Variants in PIGN observed in about 807,000 individuals in gnomAD.
PIGN encodes the protein phosphatidylinositol glycan anchor biosynthesis class N.
Under a neutral mutation model 125.4 loss-of-function variants are expected in PIGN, and 117 were observed. The ratio of observed to expected loss-of-function variants is 0.93; its 90% CI spans 0.80 to 1.09. The LOEUF is 1.09. PIGN is among the 50% of genes least tolerant of loss of function. The pLI is 0.00. For synonymous variants in PIGN, 392 were observed against 377.8 expected (o/e 1.04, Z -0.44); for missense variants, 1,075 against 1,094.9 (o/e 0.98, Z 0.26).
intron 7 of PIGN, among the ~76,000 whole-genome samples, chr18:62,148,611 A>G (rs1252408152): frequency 1.3e-5 from 2 of 152,170 alleles, no homozygotes; most frequent in Non-Finnish European, 2.9e-5. Context: ...TAATGTTGTT[A>G]ATCCCACATC....
chr18:62,022,681 G>GA (rs1568102708), intron 23 of PIGN, among the ~76,000 whole-genome samples: 2 of 152,030 alleles, frequency 1.3e-5, no homozygotes, highest in Non-Finnish European at 2.9e-5. Flanking sequence ...ATAGGAAAAT[G>GA]AAAAAATAAT....
intron 23 of PIGN, among the ~76,000 whole-genome samples, chr18:62,024,367 C>G (rs2030090015): frequency 6.6e-6 from 1 of 152,138 alleles, no homozygotes; most frequent in Non-Finnish European, 1.5e-5. Flanking sequence ...TCAAGCTCCT[C>G]CCCCAGCCCC....
chr18:62,082,787 A>G (rs2033511419), intron 27 of PIGN, 41 bp from the exon 28 acceptor site: 5 of 1,054,398 alleles, frequency 4.7e-6, no homozygotes, highest in Non-Finnish European at 7.0e-6. Flanking sequence ...TAACTGAAGC[A>G]TCTGAAACAC....
At position 62,084,578 on chromosome 18, in the gene PIGN, G is replaced by C. The variant is rs1190711274; in HGVS notation, c.2455C>G (p.Leu819Val). 10 of 1,558,776 alleles carry C rather than the reference G, an allele frequency of 6.4e-6. No homozygotes were observed. The highest frequency in any genetic ancestry group is 8.7e-6 in the Non-Finnish European group (10 of 1,149,798). Residue 819 changes from leucine (L) to valine (V), a missense_variant, in exon 27 of 31, where the codon CTG (leucine) becomes GTG (valine). Leu to Val is a conservative substitution (Grantham distance 32, BLOSUM62 1). Around this residue, in one of 3 missense-constraint regions of PIGN, gnomAD observed 915 missense variants for 908.7 expected, o/e 1.01. Transcript: ENST00000640252. ...ATCATAAAAGGACTGAACACAGTCAGAAAGCAATAGACAGAGGCAAGATCA... is the reference window on the plus strand; with the variant it reads ...ATCATAAAAGGACTGAACACAGTCACAAAGCAATAGACAGAGGCAAGATCA... ...SFDLASVYCF[L>V]TVFSPFMMGA... is the part of the protein sequence containing the mutation.
chr18:62,057,387 C>T (rs1232823266), intron 30 of PIGN, among the ~76,000 whole-genome samples: 1 of 152,086 alleles, frequency 6.6e-6, no homozygotes, highest in Non-Finnish European at 1.5e-5. Flanking sequence ...CTAGGAGTTG[C>T]CCTTGATTCT....
chr18:62,104,202 T>C (rs1229396867), intron 20 of PIGN, among the ~76,000 whole-genome samples: 2 of 152,188 alleles, frequency 1.3e-5, no homozygotes, highest in African/African-American at 4.8e-5. Flanking sequence ...ACAATATAAT[T>C]TTCTAAAATA....
At chr18:62,070,424 A>G (rs1426639993) in intron 30 of PIGN, 2 of 398,518 alleles carry the variant, frequency 5.0e-6, no homozygotes, top group East Asian at 3.6e-5. Context: ...TTCAAATCCA[A>G]TCCTGGATCT....
Position 62,045,625 on chromosome 18 carries a change from C to A in PIGN, c.*231G>T. 2.8e-6 allele frequency: 1 copy of A among 361,910 alleles called. No homozygotes were observed. Among genetic ancestry groups the A allele is most frequent in the South Asian group, 4.8e-5 (1 of 20,708 alleles). 22.4% of individuals were successfully genotyped at this position (361,910 alleles called of 1,614,324 possible). A position where few individuals can be genotyped will look rare whatever the true frequency, so the allele number is the denominator to read the frequency against. ...GGAAAAAAATGAAAAAGGAGAATGC[C>A]TTCCTATGCTTTTCCACAGATATAA... is the stretch of plus-strand genomic sequence containing the variant. On this transcript the variant is annotated 3_prime_UTR_variant, in exon 31 of 31. Coordinates refer to ENST00000640252, the MANE Select transcript of PIGN (RefSeq NM_176787.5).
intron 25 of PIGN, among the ~76,000 whole-genome samples, chr18:62,085,788 T>C (rs2033670508): frequency 6.6e-6 from 1 of 152,216 alleles, no homozygotes; most frequent in Non-Finnish European, 1.5e-5. Flanking sequence ...TTTCTGAAAC[T>C]TACATTTGTA....
rs923470639 is a variant in PIGN, at chr18:62,041,940, C to T, written c.*3916G>A. The T allele has an allele frequency of 2.0e-5, 3 of 152,134 alleles. No homozygotes were observed. The highest frequency in any genetic ancestry group is 6.5e-5 in the Admixed American group (1 of 15,278). The allele number at this position is 152,134 out of a possible 1,614,324, so 9.4% of individuals were successfully genotyped here. A position where few individuals can be genotyped will look rare whatever the true frequency, so the allele number is the denominator to read the frequency against. On this transcript the variant is annotated 3_prime_UTR_variant, in exon 31 of 31. Coordinates refer to ENST00000640252, the MANE Select transcript of PIGN (RefSeq NM_176787.5). ...GCTATCTTCCTCCCTTCACAACGTA[C>T]ATCACAAGTTAAATTCCCTTAGAAC...
chr18:62,139,660 T>C (rs547586234), intron 12 of PIGN, among the ~76,000 whole-genome samples: 1 of 152,362 alleles, frequency 6.6e-6, no homozygotes, highest in Non-Finnish European at 1.5e-5. Flanking sequence ...ATTACTATTT[T>C]CTGTTGAGAA....
intron 12 of PIGN, among the ~76,000 whole-genome samples, chr18:62,139,341 T>C (rs1216535451): frequency 6.6e-6 from 1 of 152,216 alleles, no homozygotes; most frequent in Non-Finnish European, 1.5e-5. Flanking sequence ...ACGTGCTAGG[T>C]AGTGAACTGA....
chr18:62,127,490 G>A (rs1050611659), intron 14 of PIGN, among the ~76,000 whole-genome samples: 1 of 150,932 alleles, frequency 6.6e-6, no homozygotes, highest in African/African-American at 2.4e-5. Context: ...CACTGCAGCC[G>A]AAGTATCTGT....
chr18:62,136,686 G>A (rs770029702), intron 14 of PIGN: 3 of 160,830 alleles, frequency 1.9e-5, no homozygotes, highest in Non-Finnish European at 4.1e-5. Flanking sequence ...TGCAACAGAA[G>A]TTGTCAAAAA....
chr18:62,117,437 T>C lies in PIGN; in HGVS notation c.1173-2798A>G, dbSNP rs568730235. Among the ~76,000 whole-genome samples the C allele has an allele frequency of 1.5e-3, 235 of 152,084 alleles. 1 individual carries two copies. The highest frequency in any genetic ancestry group is 5.4e-3 in the African/African-American group (223 of 41,536). ...AATGAACAAGGGAGATCTATACATATAAACATGGATAAATCCTGAAAACCA... is the reference window on the plus strand; with the variant it reads ...AATGAACAAGGGAGATCTATACATACAAACATGGATAAATCCTGAAAACCA... On this transcript the variant is annotated intron_variant, in intron 14 of 30. Transcript: ENST00000640252.
intron 14 of PIGN, among the ~76,000 whole-genome samples, chr18:62,117,876 G>A (rs1298448031): frequency 6.6e-6 from 1 of 151,956 alleles, no homozygotes; most frequent in Non-Finnish European, 1.5e-5. Flanking sequence ...TTCCACCCAT[G>A]TTGCTGCAAA....
chr18:62,048,934 T>C (rs2030993798), intron 30 of PIGN, among the ~76,000 whole-genome samples: 2 of 147,710 alleles, frequency 1.4e-5, no homozygotes, highest in Middle Eastern at 3.2e-3. Flanking sequence ...TTCCCACCTA[T>C]GAGTGAGAAT....
chr18:62,108,262 A>T (rs1015695801), intron 17 of PIGN, among the ~76,000 whole-genome samples: 1 of 152,182 alleles, frequency 6.6e-6, no homozygotes, highest in African/African-American at 2.4e-5. Context: ...ACAATCTATC[A>T]AAAAGATAAA....
At chr18:62,087,730 TCCA>T (rs1487538584) in intron 25 of PIGN, among the ~76,000 whole-genome samples, 2 of 152,110 alleles carry the variant, frequency 1.3e-5, no homozygotes, top group Non-Finnish European at 2.9e-5. Flanking sequence ...AGAAAATGCC[TCCA>T]ATACTTACAA....
Sources: gnomAD v4.1 joint callset for allele counts (sites outside exome capture counted in the v4.1 genomes callset) on GRCh38, gnomAD v4.1.1 for gene constraint, gnomAD v4.1.1 regional missense constraint, MANE v1.5 for transcripts, NCBI Gene and HGNC (gene_info 2026-07-23, HGNC 2026-07-21) for gene names.